Variants in GALNT14 observed in about 807,000 individuals in gnomAD.
GALNT14 encodes the protein polypeptide N-acetylgalactosaminyltransferase 14, also known as UDP-GalNAc:polypeptide N-acetylgalactosaminyltransferase 14.
Under a neutral mutation model 77.5 loss-of-function variants are expected in GALNT14, and 60 were observed. That is an observed-to-expected ratio of 0.77 (90% CI 0.63 to 0.96). The LOEUF (loss-of-function observed/expected upper bound fraction) is 0.96. Ranked by LOEUF, GALNT14 falls within the 40% of genes least tolerant of loss-of-function variation. The pLI, the probability that GALNT14 is intolerant of heterozygous loss-of-function variation, is 0.00. For missense variants in GALNT14, 710 were observed against 731.0 expected, an observed-to-expected ratio of 0.97 and a Z score of 0.33; for synonymous variants, 280 against 281.7, an observed-to-expected ratio of 0.99 and a Z score of 0.06.
At chr2:30,980,481 G>A (rs1668918656) in intron 2 of GALNT14, among the ~76,000 whole-genome samples, 1 of 152,226 alleles carries the variant, frequency 6.6e-6, no homozygotes. Context: ...GGTTAAAGAT[G>A]AGGCTCGGCA....
chr2:30,906,611 G>T (rs1445220781), downstream of GALNT14, among the ~76,000 whole-genome samples: 1 of 150,904 alleles, frequency 6.6e-6, no homozygotes, highest in Admixed American at 6.6e-5. Flanking sequence ...TTAATAATGG[G>T]AGACTTTAAC....
intron 9 of GALNT14, among the ~76,000 whole-genome samples, chr2:30,936,309 G>T (rs1163120964): frequency 6.6e-6 from 1 of 152,048 alleles, no homozygotes; most frequent in African/African-American, 2.4e-5. Flanking sequence ...GAATTCAGGG[G>T]AGAAGGAGCA....
intron 2 of GALNT14, among the ~76,000 whole-genome samples, chr2:30,991,868 T>C (rs906448677): frequency 6.6e-6 from 1 of 152,182 alleles, no homozygotes; most frequent in African/African-American, 2.4e-5. Context: ...TCATAAGTCA[T>C]GAAAATGCCT....
Position 30,996,513 on chromosome 2 carries a change from C to G in GALNT14, c.130-3506G>C, listed in dbSNP as rs1231615120. ...CAGGTGGAGGGGCAGGCACGCATGA[C>G]GACACCAGAGAGGGTGGGCACAACT... On this transcript the variant is annotated intron_variant, in intron 1 of 14. Coordinates refer to ENST00000349752, the MANE Select transcript of GALNT14 (RefSeq NM_024572.4). Among the ~76,000 whole-genome samples, 3 of 152,202 alleles carry G rather than the reference C, an allele frequency of 2.0e-5. No homozygotes were observed. The East Asian group carries it at 5.8e-4, about 29-fold the overall frequency.
At chr2:31,061,035 TTTCTC>T (rs1674557170) in intron 1 of GALNT14, among the ~76,000 whole-genome samples, 1 of 152,118 alleles carries the variant, frequency 6.6e-6, no homozygotes, top group Admixed American at 6.5e-5. Flanking sequence ...ATTGTTGGTG[TTTCTC>T]TTCTGCCATT....
intron 1 of GALNT14, chr2:31,114,891 A>G: frequency 1.4e-6 from 1 of 701,672 alleles, no homozygotes; most frequent in Non-Finnish European, 2.6e-6. Flanking sequence ...GTAACTAACA[A>G]AGAAAAAGTA....
At chr2:31,083,351 G>A (rs904824886) in intron 1 of GALNT14, among the ~76,000 whole-genome samples, 3 of 152,194 alleles carry the variant, frequency 2.0e-5, no homozygotes, top group African/African-American at 7.2e-5. Context: ...TGTTGTATGA[G>A]GATCATGGTC....
At chr2:31,129,627 C>T in intron 1 of GALNT14, 2 of 985,310 alleles carry the variant, frequency 2.0e-6, no homozygotes, top group Non-Finnish European at 2.4e-6. Flanking sequence ...TTTTCAGTGG[C>T]CATCAAGGAA....
chr2:30,928,383 C>T (rs560542291), intron 11 of GALNT14, among the ~76,000 whole-genome samples: 1 of 152,200 alleles, frequency 6.6e-6, no homozygotes, highest in African/African-American at 2.4e-5. Context: ...CTCTAATCAG[C>T]CCTGGGTTGG....
At chr2:31,044,258 C>T (rs74761254) in intron 1 of GALNT14, among the ~76,000 whole-genome samples, 319 of 152,248 alleles carry the variant, frequency 2.1e-3, no homozygotes, top group African/African-American at 7.2e-3. Flanking sequence ...TCATCTCACC[C>T]GGGCCATCTC....
chr2:30,941,434 T>A (rs1045511024), intron 9 of GALNT14, among the ~76,000 whole-genome samples: 1 of 152,236 alleles, frequency 6.6e-6, no homozygotes, highest in Non-Finnish European at 1.5e-5. Flanking sequence ...TTTACACATT[T>A]ACTTCAATGG....
At chr2:31,034,085 G>C (rs1672570744) in intron 1 of GALNT14, among the ~76,000 whole-genome samples, 1 of 152,154 alleles carries the variant, frequency 6.6e-6, no homozygotes, top group Non-Finnish European at 1.5e-5. Context: ...AGAACAAATG[G>C]CAGAAAATTA....
chr2:30,968,301 G>A (rs1376476492), intron 2 of GALNT14, among the ~76,000 whole-genome samples: 1 of 152,194 alleles, frequency 6.6e-6, no homozygotes, highest in Non-Finnish European at 1.5e-5. Flanking sequence ...ACAGCCAGCC[G>A]CCGATGGCTG....
Position 30,944,937 on chromosome 2 carries a change from C to T in GALNT14, c.748G>A (p.Asp250Asn). 1 of 1,608,868 alleles carries T rather than the reference C, an allele frequency of 6.2e-7. No homozygotes were observed. The highest frequency in any genetic ancestry group is 1.1e-5 in the South Asian group (1 of 90,394). Residue 250 changes from aspartate to asparagine, a missense_variant, in exon 8 of 15, where the codon GAC (aspartate) becomes AAC (asparagine). Asp to Asn is a conservative substitution (Grantham distance 23). Transcript: ENST00000349752. ...TCCCACTGGAAGTGGAGGCTCCAGT[C>T]AAACCCTACAACACAGCACCAACCC... ...ESASELRGGF[D>N]WSLHFQWEQL...
At chr2:30,945,931 C>T in intron 6 of GALNT14, 61 bp from the exon 7 acceptor site, 1 of 1,420,402 alleles carries the variant, frequency 7.0e-7, no homozygotes, top group South Asian at 1.2e-5. Flanking sequence ...AGTCAGGGAG[C>T]TTGGGATGGC....
At position 31,001,515 on chromosome 2, in the gene GALNT14, T is replaced by C. The variant is rs532446229; in HGVS notation, c.130-8508A>G. 2.0e-5 allele frequency among the ~76,000 whole-genome samples: 3 copies of C among 152,226 alleles called. No individual in the cohort carries two copies. In the East Asian group the frequency reaches 5.8e-4, roughly 29 times the overall value. On this transcript the variant is annotated intron_variant, in intron 1 of 14. Transcript: ENST00000349752. ...CAAGAAGGGGACAAAGTGGTCCAGA[T>C]CAGTTGTACCCTGGCTCCCAGAAGA...
intron 3 of GALNT14, among the ~76,000 whole-genome samples, chr2:30,965,482 C>T (rs1667946713): frequency 6.6e-6 from 1 of 152,028 alleles, no homozygotes; most frequent in Admixed American, 6.6e-5. Context: ...GGTGAAACAG[C>T]CAGAGTCTTT....
intron 1 of GALNT14, among the ~76,000 whole-genome samples, chr2:31,041,273 T>C (rs1446187309): frequency 6.6e-6 from 1 of 152,014 alleles, no homozygotes; most frequent in Non-Finnish European, 1.5e-5. Context: ...AGAAGGGGAA[T>C]AATAATATGC....
chr2:30,938,680 C>T lies in GALNT14; in HGVS notation c.931+3521G>A, dbSNP rs75686944. Among the ~76,000 whole-genome samples the T allele has an allele frequency of 8.5e-3, 1,300 of 152,308 alleles. 12 individuals carry two copies. Among genetic ancestry groups the T allele is most frequent in the East Asian group, 0.022 (115 of 5,188 alleles). ...TCAGGGCACGTGAGTGTATGAGACA[C>T]GGCTTTCACATGGCCATGGCAGCCA... is the stretch of plus-strand genomic sequence containing the variant. On this transcript the variant is annotated intron_variant, in intron 9 of 14. Coordinates refer to ENST00000349752, the MANE Select transcript of GALNT14 (RefSeq NM_024572.4).
Sources: allele counts gnomAD v4.1 joint callset (sites outside exome capture counted in the v4.1 genomes callset), GRCh38; gene constraint gnomAD v4.1.1; transcripts MANE v1.5; gene names NCBI Gene and HGNC (gene_info 2026-07-23, HGNC 2026-07-21).